GLRB: variants seen among roughly 807,000 people sequenced by gnomAD.
GLRB encodes the protein glycine receptor beta.
GLRB carries 33 observed loss-of-function variants against 54.2 expected under a neutral mutation model. The observed-to-expected ratio is 0.61, with a 90% CI of 0.46 to 0.81. The LOEUF is 0.81. GLRB is among the 40% of genes least tolerant of loss of function. The probability of loss-of-function intolerance (pLI) is 0.00; values close to 1 mark genes in which losing one functional copy is unlikely to be tolerated. For synonymous variants in GLRB, 209 were observed against 208.2 expected, an observed-to-expected ratio of 1.00 and a Z score of -0.03; for missense variants, 572 against 584.6, an observed-to-expected ratio of 0.98 and a Z score of 0.22.
chr4:157,081,078 T>G (rs1346860642), intron 2 of GLRB, among the ~76,000 whole-genome samples: 1 of 152,198 alleles, frequency 6.6e-6, no homozygotes, highest in Non-Finnish European at 1.5e-5. Flanking sequence ...GATATGTAAG[T>G]GAAGCACTAG....
At chr4:157,133,544 A>AT (rs1203320454) in intron 4 of GLRB, among the ~76,000 whole-genome samples, 1 of 151,862 alleles carries the variant, frequency 6.6e-6, no homozygotes, top group Non-Finnish European at 1.5e-5. Context: ...CCTTATAGTT[A>AT]TTTTTTTAAA....
chr4:157,091,410 G>T (rs1197307135), intron 2 of GLRB: 1 of 152,082 alleles, frequency 6.6e-6, no homozygotes, highest in Admixed American at 6.6e-5. Flanking sequence ...TTATTTTCTT[G>T]ATTTGTGCTA....
intron 2 of GLRB, among the ~76,000 whole-genome samples, chr4:157,116,094 C>T (rs956848999): frequency 7.2e-5 from 11 of 151,778 alleles, no homozygotes; most frequent in African/African-American, 2.4e-4. Flanking sequence ...AACTGAGCTT[C>T]CTCCTTTGGA....
chr4:157,134,933 T>G (rs1736347566), intron 4 of GLRB, among the ~76,000 whole-genome samples: 1 of 152,116 alleles, frequency 6.6e-6, no homozygotes, highest in Non-Finnish European at 1.5e-5. Context: ...AGTCTTATTT[T>G]CCAGTCATAT....
chr4:157,129,640 T>C (rs1215358522), intron 4 of GLRB, among the ~76,000 whole-genome samples: 1 of 151,798 alleles, frequency 6.6e-6, no homozygotes, highest in Non-Finnish European at 1.5e-5. Context: ...ATCAGGATGA[T>C]ACACTGAATG....
At chr4:157,151,485 G>A (rs540518600) in intron 8 of GLRB, among the ~76,000 whole-genome samples, 46 of 152,120 alleles carry the variant, frequency 3.0e-4, no homozygotes, top group Admixed American at 6.5e-4. Flanking sequence ...CCTTAGGGCC[G>A]AGGATAATTA....
intron 9 of GLRB, among the ~76,000 whole-genome samples, chr4:157,167,705 G>GTGC (rs1454741711): frequency 1.3e-5 from 2 of 152,134 alleles, no homozygotes; most frequent in Non-Finnish European, 2.9e-5. Context: ...AGTCCGTTTT[G>GTGC]TGCTGCTATA....
intron 2 of GLRB, among the ~76,000 whole-genome samples, chr4:157,104,330 A>G (rs1350908548): frequency 6.6e-6 from 1 of 152,006 alleles, no homozygotes; most frequent in Non-Finnish European, 1.5e-5. Flanking sequence ...TTTATCCTTC[A>G]TTCTGTTGAT....
intron 4 of GLRB, among the ~76,000 whole-genome samples, chr4:157,125,864 C>T (rs550951663): frequency 3.0e-4 from 45 of 152,130 alleles, no homozygotes; most frequent in Middle Eastern, 3.4e-3. Context: ...TGGAGAATCA[C>T]TTGAATCCAG....
intron 2 of GLRB, among the ~76,000 whole-genome samples, chr4:157,101,908 T>C (rs1391678521): frequency 6.6e-6 from 1 of 152,082 alleles, no homozygotes; most frequent in Non-Finnish European, 1.5e-5. Flanking sequence ...AGAACTACAT[T>C]CATTGACATT....
intron 9 of GLRB, among the ~76,000 whole-genome samples, chr4:157,155,702 T>C (rs538422703): frequency 6.6e-6 from 1 of 152,348 alleles, no homozygotes; most frequent in South Asian, 2.1e-4. Flanking sequence ...TCTGGATGCT[T>C]TCAAAAAGTT....
At chr4:157,107,201 G>A (rs76292951) in intron 2 of GLRB, among the ~76,000 whole-genome samples, 4,660 of 152,036 alleles carry the variant, frequency 0.031, 117 homozygotes, top group African/African-American at 0.068. Flanking sequence ...CTTATGCTCT[G>A]AGATACAACA....
intron 9 of GLRB, among the ~76,000 whole-genome samples, chr4:157,156,999 G>A (rs1440676159): frequency 6.6e-6 from 1 of 152,148 alleles, no homozygotes; most frequent in Non-Finnish European, 1.5e-5. Flanking sequence ...TACAAGTCCA[G>A]GTTTCCCACT....
intron 1 of GLRB, among the ~76,000 whole-genome samples, chr4:157,077,428 G>T (rs1259349629): frequency 6.6e-6 from 1 of 151,956 alleles, no homozygotes; most frequent in African/African-American, 2.4e-5. Flanking sequence ...AATAAAAAAA[G>T]CAATGAATTT....
intron 2 of GLRB, among the ~76,000 whole-genome samples, chr4:157,100,234 T>C (rs887164819): frequency 1.3e-5 from 2 of 152,208 alleles, no homozygotes; most frequent in African/African-American, 4.8e-5. Context: ...TATTTTTGCT[T>C]TATTACTTTA....
chr4:157,170,669 G>A lies in GLRB; in HGVS notation c.1435G>A (p.Ala479Thr). The change falls in exon 10 of 10, where the codon GCA (alanine) becomes ACA (threonine). Residue 479 changes from alanine to threonine, a missense_variant. Ala to Thr is a moderately conservative substitution (Grantham distance 58). Transcript: ENST00000264428. Reference sequence around the variant, plus strand: ...AAAGCGAATTGATCTTTATGCAAGAGCATTGTTTCCTTTCTGCTTCTTGTT... The same window carrying A: ...AAAGCGAATTGATCTTTATGCAAGAACATTGTTTCCTTTCTGCTTCTTGTT... ...AAKRIDLYARALFPFCFLFFN... is the reference protein window; with the variant it reads ...AAKRIDLYARTLFPFCFLFFN... 2 of 1,606,548 alleles carry A rather than the reference G, an allele frequency of 1.2e-6. No individual in the cohort carries two copies. Among genetic ancestry groups the A allele is most frequent in the Non-Finnish European group, 1.7e-6 (2 of 1,174,906 alleles).
chr4:157,101,832 G>T (rs1735041082), intron 2 of GLRB, among the ~76,000 whole-genome samples: 1 of 149,208 alleles, frequency 6.7e-6, no homozygotes, highest in African/African-American at 2.5e-5. Flanking sequence ...GGAGGGTTTG[G>T]GGTTGGGTGG....
At chr4:157,102,919 C>T (rs1158963973) in intron 2 of GLRB, among the ~76,000 whole-genome samples, 1 of 152,150 alleles carries the variant, frequency 6.6e-6, no homozygotes, top group Non-Finnish European at 1.5e-5. Flanking sequence ...GTAATCCCAG[C>T]ACTTTGGGAG....
At chr4:157,167,696 G>C (rs114061932) in intron 9 of GLRB, among the ~76,000 whole-genome samples, 431 of 152,248 alleles carry the variant, frequency 2.8e-3, no homozygotes, top group Non-Finnish European at 4.9e-3. Context: ...CTTGTGTATA[G>C]TCCGTTTTGT....
Sources: allele counts gnomAD v4.1 joint callset (sites outside exome capture counted in the v4.1 genomes callset), GRCh38; gene constraint gnomAD v4.1.1; transcripts MANE v1.5; gene names NCBI Gene and HGNC (gene_info 2026-07-23, HGNC 2026-07-21).